HSDL2: variants seen among roughly 807,000 people sequenced by gnomAD.
HSDL2 encodes hydroxysteroid dehydrogenase like 2.
Under a neutral mutation model 46.3 loss-of-function variants are expected in HSDL2, and 27 were observed. That is an observed-to-expected ratio of 0.58 (90% CI 0.43 to 0.80). The LOEUF (loss-of-function observed/expected upper bound fraction) is 0.80. Ranked by LOEUF, HSDL2 falls within the 30% of genes least tolerant of loss-of-function variation. The pLI, the probability that HSDL2 is intolerant of heterozygous loss-of-function variation, is 0.00. For synonymous variants in HSDL2, 153 were observed against 163.6 expected (o/e 0.94, Z 0.50); for missense variants, 451 against 502.7 (o/e 0.90, Z 0.98).
At chr9:112,457,678 C>T (rs1833072928) in intron 9 of HSDL2, among the ~76,000 whole-genome samples, 2 of 152,146 alleles carry the variant, frequency 1.3e-5, no homozygotes, top group Non-Finnish European at 2.9e-5. Flanking sequence ...TGCTGTTCTT[C>T]AGTAGTCTTC....
intron 6 of HSDL2, among the ~76,000 whole-genome samples, chr9:112,419,293 C>T (rs1832067447): frequency 1.3e-5 from 2 of 152,160 alleles, no homozygotes; most frequent in Non-Finnish European, 2.9e-5. Context: ...CATGAGCCAC[C>T]ACGCCCGGCC....
At chr9:112,381,895 T>C (rs912630949) in intron 1 of HSDL2, among the ~76,000 whole-genome samples, 1 of 152,196 alleles carries the variant, frequency 6.6e-6, no homozygotes, top group African/African-American at 2.4e-5. Context: ...TTTGCACATA[T>C]ATAAGTGTAT....
intron 8 of HSDL2, among the ~76,000 whole-genome samples, chr9:112,447,035 G>C (rs1832772976): frequency 1.3e-5 from 2 of 152,138 alleles, no homozygotes; most frequent in Admixed American, 1.3e-4. Context: ...ATGTACCTTA[G>C]AGCTGCTGAA....
At chr9:112,384,745 ACAGAGTTTAGCTTATATAGGC>A (rs967699722) in intron 1 of HSDL2, among the ~76,000 whole-genome samples, 1 of 150,526 alleles carries the variant, frequency 6.6e-6, no homozygotes, top group African/African-American at 2.5e-5. Context: ...TTGAACAAAA[ACAGAGTTTAGCTTATATAGGC>A]CAGCATACAA....
chr9:112,426,684 G>A lies in HSDL2; in HGVS notation c.598+7726G>A, dbSNP rs571932845. ...GTTTTGATACTGAATATTGACAAGT[G>A]TCTTTATGAAATAAAGAACCAGTCC... On this transcript the variant is annotated intron_variant, in intron 6 of 10. Coordinates refer to ENST00000398805, the MANE Select transcript of HSDL2 (RefSeq NM_032303.5). Among the ~76,000 whole-genome samples the A allele has an allele frequency of 2.6e-5, 4 of 152,220 alleles. No individual in the cohort carries two copies. In the East Asian group the frequency reaches 5.8e-4, roughly 22 times the overall value.
At chr9:112,413,201 AGGTGT>A (rs1649652578) in intron 4 of HSDL2, among the ~76,000 whole-genome samples, 1 of 152,080 alleles carries the variant, frequency 6.6e-6, no homozygotes, top group Non-Finnish European at 1.5e-5. Flanking sequence ...TATTTTGGCC[AGGTGT>A]GGTGGCTCAC....
chr9:112,422,144 C>T lies in HSDL2; in HGVS notation c.598+3186C>T, dbSNP rs113683906. Among the ~76,000 whole-genome samples the T allele has an allele frequency of 3.6e-3, 554 of 152,260 alleles. 4 individuals are homozygous for T. Among genetic ancestry groups the T allele is most frequent in the African/African-American group, 0.013 (526 of 41,550 alleles). ...GTGACTGGTATATCTGATATGATAA[C>T]TTACTACTGCTGGCAAAGCTGGCAT... On this transcript the variant is annotated intron_variant, in intron 6 of 10. Transcript: ENST00000398805.
At position 112,390,333 on chromosome 9, in the gene HSDL2, C is replaced by G. The variant is rs564693058; in HGVS notation, c.17+10153C>G. 2.6e-4 allele frequency among the ~76,000 whole-genome samples: 40 copies of G among 152,106 alleles called. No homozygotes were observed. In the South Asian group the frequency reaches 7.9e-3, roughly 30 times the overall value. ...TTATGACAGAGCTGATATTGAAGAG[C>G]AGTGGGAAAGATGGGCATTTCAGAC... On this transcript the variant is annotated intron_variant, in intron 1 of 10. Transcript: ENST00000398805.
At chr9:112,421,517 G>T (rs1832122592) in intron 6 of HSDL2, among the ~76,000 whole-genome samples, 1 of 151,988 alleles carries the variant, frequency 6.6e-6, no homozygotes, top group Non-Finnish European at 1.5e-5. Flanking sequence ...GATATTTTTG[G>T]ATTCCTTTGG....
chr9:112,430,801 C>T (rs773845921), intron 6 of HSDL2, among the ~76,000 whole-genome samples: 6 of 151,976 alleles, frequency 3.9e-5, no homozygotes, highest in African/African-American at 9.7e-5. Context: ...TCTGTAATCC[C>T]AGCACTTTGG....
intron 1 of HSDL2, among the ~76,000 whole-genome samples, chr9:112,403,104 C>A (rs1181712031): frequency 6.6e-6 from 1 of 152,198 alleles, no homozygotes. Flanking sequence ...ATGTGATTCA[C>A]GTACCCCACT....
rs1323196438 is a variant in HSDL2 at position 112,416,439 on chromosome 9, AAAACAAAC to A, written c.396-398_396-391del. 1.1e-3 allele frequency among the ~76,000 whole-genome samples: 169 copies of A among 150,436 alleles called. 1 individual carries two copies. The highest frequency in any genetic ancestry group is 4.1e-3 in the African/African-American group (166 of 40,404). Reference sequence around the variant, plus strand: ...AGACCCTGTCTTAAAATTAAAAAAAAAAACAAACAAAAAAAAAGAAGTTGGCTGGTCGC... The same window carrying A: ...AGACCCTGTCTTAAAATTAAAAAAAAAAAAAAAAAGAAGTTGGCTGGTCGC... On this transcript the variant is annotated intron_variant, in intron 4 of 10. Coordinates refer to ENST00000398805, the MANE Select transcript of HSDL2 (RefSeq NM_032303.5).
intron 6 of HSDL2, among the ~76,000 whole-genome samples, chr9:112,427,123 C>T (rs1832267396): frequency 6.6e-6 from 1 of 152,170 alleles, no homozygotes; most frequent in African/African-American, 2.4e-5. Context: ...GGCACGATCT[C>T]AGCCCACTGC....
intron 6 of HSDL2, among the ~76,000 whole-genome samples, chr9:112,435,249 GTATATACT>G (rs1312511375): frequency 1.3e-5 from 2 of 152,134 alleles, no homozygotes; most frequent in African/African-American, 4.8e-5. Flanking sequence ...CACACAGCAT[GTATATACT>G]TATACATGAC....
intron 10 of HSDL2, among the ~76,000 whole-genome samples, chr9:112,463,666 G>A (rs917777921): frequency 7.2e-6 from 1 of 139,308 alleles, no homozygotes; most frequent in African/African-American, 2.7e-5. Flanking sequence ...GTTTATTTGT[G>A]TATTTATTTA....
At chr9:112,446,177 A>G (rs1832756470) in intron 8 of HSDL2, among the ~76,000 whole-genome samples, 1 of 151,868 alleles carries the variant, frequency 6.6e-6, no homozygotes, top group African/African-American at 2.4e-5. Context: ...AGTCAAAGGC[A>G]GGAATGTGTA....
Position 112,404,126 on chromosome 9 carries a change from T to C in HSDL2, c.149T>C (p.Leu50Pro). ...AAKTAQPHPK[L>P]LGTIYTAAEE... ...AAGACCGCCCAGCCACATCCAAAAC[T>C]TCTAGGCACAATCTATACTGCTGCT... is the stretch of plus-strand genomic sequence containing the variant. Residue 50 changes from leucine (L) to proline (P), a missense_variant, in exon 2 of 11, where the codon CTT (leucine) becomes CCT (proline). Transcript: ENST00000398805. 6.2e-7 allele frequency: 1 copy of C among 1,614,184 alleles called. No homozygotes were observed.
intron 4 of HSDL2, among the ~76,000 whole-genome samples, chr9:112,412,869 C>T (rs571640348): frequency 2.0e-5 from 3 of 151,702 alleles, no homozygotes; most frequent in African/African-American, 7.3e-5. Flanking sequence ...TTTGGGAGGC[C>T]GAGGCAGGCG....
chr9:112,417,790 A>AG (rs1832026696), intron 5 of HSDL2, among the ~76,000 whole-genome samples: 1 of 152,016 alleles, frequency 6.6e-6, no homozygotes. Context: ...TTAAAAAAAA[A>AG]AAAAAGTCCA....
Sources: gnomAD v4.1 joint callset for allele counts (sites outside exome capture counted in the v4.1 genomes callset) on GRCh38, gnomAD v4.1.1 for gene constraint, MANE v1.5 for transcripts, NCBI Gene and HGNC (gene_info 2026-07-23, HGNC 2026-07-21) for gene names.